Variants in TBX15 observed in about 807,000 individuals in gnomAD.
The protein encoded by TBX15 is T-box transcription factor TBX15.
TBX15 carries 18 observed loss-of-function variants against 53.9 expected under a neutral mutation model. That is an observed-to-expected ratio of 0.33 (90% CI 0.23 to 0.49). The LOEUF is 0.49. TBX15 is among the 20% of genes least tolerant of loss of function. TBX15 has a pLI of 0.98. For synonymous variants in TBX15, 295 were observed against 278.0 expected, an observed-to-expected ratio of 1.06 and a Z score of -0.61; for missense variants, 692 against 749.5, an observed-to-expected ratio of 0.92 and a Z score of 0.90.
At chr1:118,982,685 C>G (rs113738037) in intron 1 of TBX15, among the ~76,000 whole-genome samples, 2,179 of 152,294 alleles carry the variant, frequency 0.014, 49 homozygotes, top group African/African-American at 0.049. Flanking sequence ...AACAAATTTT[C>G]TTTCATAATT....
At chr1:118,925,156 A>T (rs1233036341) in intron 3 of TBX15, among the ~76,000 whole-genome samples, 1 of 152,188 alleles carries the variant, frequency 6.6e-6, no homozygotes, top group Non-Finnish European at 1.5e-5. Flanking sequence ...GCACACATGC[A>T]TCCTGAACTC....
intron 1 of TBX15, among the ~76,000 whole-genome samples, chr1:118,971,445 A>G (rs759967641): frequency 1.3e-5 from 2 of 152,218 alleles, no homozygotes; most frequent in African/African-American, 4.8e-5. Context: ...AAGTTTGACA[A>G]CCACCAATTC....
At chr1:118,947,951 C>T (rs1487000834) in intron 1 of TBX15, among the ~76,000 whole-genome samples, 1 of 152,082 alleles carries the variant, frequency 6.6e-6, no homozygotes, top group Non-Finnish European at 1.5e-5. Flanking sequence ...AATGACCTAC[C>T]CAGCATCTTG....
At chr1:118,987,043 C>G (rs1657863367) in intron 1 of TBX15, among the ~76,000 whole-genome samples, 1 of 152,226 alleles carries the variant, frequency 6.6e-6, no homozygotes, top group South Asian at 2.1e-4. Context: ...AGTAAGGGGT[C>G]TAACATCCAT....
At chr1:118,940,730 A>T (rs947153224) in intron 1 of TBX15, among the ~76,000 whole-genome samples, 7 of 150,848 alleles carry the variant, frequency 4.6e-5, no homozygotes, top group African/African-American at 1.2e-4. Flanking sequence ...AGAAAAACAA[A>T]AAAAAATAAA....
At chr1:118,948,642 C>T (rs1656417841) in intron 1 of TBX15, among the ~76,000 whole-genome samples, 1 of 152,176 alleles carries the variant, frequency 6.6e-6, no homozygotes, top group Admixed American at 6.5e-5. Flanking sequence ...TGTGGCAGGA[C>T]TCAATGTTTG....
Position 118,987,813 on chromosome 1 carries a change from C to G in TBX15, c.-18G>C. On this transcript the variant is annotated 5_prime_UTR_variant, in exon 1 of 8. Transcript: ENST00000369429. ...TCACTCATTTTAGCCGCCCACACCC[C>G]TGCCTCCGCTTGCCCCCGCTACCGA... 6.5e-7 allele frequency: 1 copy of G among 1,547,616 alleles called. No individual in the cohort carries two copies. The highest frequency in any genetic ancestry group is 8.7e-7 in the Non-Finnish European group (1 of 1,145,886).
chr1:118,948,471 C>G (rs1312435507), intron 1 of TBX15, among the ~76,000 whole-genome samples: 3 of 152,192 alleles, frequency 2.0e-5, no homozygotes, highest in Non-Finnish European at 4.4e-5. Flanking sequence ...CTTCTGCTCC[C>G]TCCTAAAACA....
intron 6 of TBX15, among the ~76,000 whole-genome samples, chr1:118,902,299 A>G (rs926011223): frequency 6.6e-6 from 1 of 152,228 alleles, no homozygotes; most frequent in African/African-American, 2.4e-5. Flanking sequence ...TACTAGTTCT[A>G]TATATCAATA....
At chr1:118,913,723 G>GA (rs1469690228) in intron 6 of TBX15, among the ~76,000 whole-genome samples, 2 of 152,176 alleles carry the variant, frequency 1.3e-5, no homozygotes, top group Non-Finnish European at 1.5e-5. Flanking sequence ...GTAATTTTCT[G>GA]AAAAAATGTT....
rs555159443 is a variant in TBX15 at position 118,982,457 on chromosome 1, G to A, written c.205+5134C>T. ...AGGACTGGATGAACACAATGTTTAG[G>A]CCTTCTAAGCCAAAATGTAGTTGTC... On this transcript the variant is annotated intron_variant, in intron 1 of 7. Transcript: ENST00000369429. Among the ~76,000 whole-genome samples, 4 of 152,244 alleles carry A rather than the reference G, an allele frequency of 2.6e-5. No homozygotes were observed. In the East Asian group the frequency reaches 7.7e-4, roughly 29 times the overall value.
chr1:118,890,124 C>A (rs1469515083), intron 7 of TBX15, among the ~76,000 whole-genome samples: 2 of 152,140 alleles, frequency 1.3e-5, no homozygotes, highest in Admixed American at 6.6e-5. Context: ...GCTAGAGGAA[C>A]CTCCATCACT....
At chr1:118,945,097 T>C (rs574574186) in intron 1 of TBX15, among the ~76,000 whole-genome samples, 43 of 152,222 alleles carry the variant, frequency 2.8e-4, no homozygotes, top group African/African-American at 1.0e-3. Flanking sequence ...GGAAAGTCAA[T>C]CAGAAAATGG....
intron 2 of TBX15, 52 bp from the exon 3 acceptor site, chr1:118,926,663 C>T (rs773781974): frequency 2.7e-6 from 4 of 1,487,700 alleles, no homozygotes; most frequent in African/African-American, 1.4e-5. Context: ...GGAGAAGTAG[C>T]AGGGGTAAAA....
intron 6 of TBX15, among the ~76,000 whole-genome samples, chr1:118,913,229 C>T (rs1766789): frequency 0.19 from 26,195 of 134,894 alleles, 2,497 homozygotes; most frequent in Middle Eastern, 0.35. Context: ...TGCCCTCAAA[C>T]TATAAAAAAA....
rs553228136 is a variant in TBX15 at position 118,940,052 on chromosome 1, T to C, written c.206-8220A>G. The stretch of plus-strand genomic sequence containing the variant: ...AGAGTTGATGCTCTTTTCATTATAC[T>C]CTGTTGCCCATTTTTCAGAACTAGA... On this transcript the variant is annotated intron_variant, in intron 1 of 7. Transcript: ENST00000369429. 6.6e-5 allele frequency among the ~76,000 whole-genome samples: 10 copies of C among 152,072 alleles called. No homozygotes were observed. The East Asian group carries it at 1.4e-3, about 21-fold the overall frequency.
At chr1:118,960,472 C>G (rs1656834238) in intron 1 of TBX15, among the ~76,000 whole-genome samples, 1 of 152,216 alleles carries the variant, frequency 6.6e-6, no homozygotes, top group Non-Finnish European at 1.5e-5. Context: ...AGTGACTGAG[C>G]TTCTCCAAGC....
intron 5 of TBX15, among the ~76,000 whole-genome samples, chr1:118,915,874 G>A (rs754090422): frequency 1.1e-4 from 17 of 152,244 alleles, no homozygotes; most frequent in South Asian, 4.1e-4. Context: ...TCATGGGCCC[G>A]GGGGAAATGG....
At chr1:118,983,000 G>A (rs1055131342) in intron 1 of TBX15, among the ~76,000 whole-genome samples, 1 of 152,170 alleles carries the variant, frequency 6.6e-6, no homozygotes, top group Non-Finnish European at 1.5e-5. Flanking sequence ...GCCTAGGAAA[G>A]CCTTCGCTGC....
Sources: gnomAD v4.1 joint callset for allele counts (sites outside exome capture counted in the v4.1 genomes callset) on GRCh38, gnomAD v4.1.1 for gene constraint, MANE v1.5 for transcripts, NCBI Gene and HGNC (gene_info 2026-07-23, HGNC 2026-07-21) for gene names.